The following TAB2 variants were observed in gnomAD, a reference collection of about 807,000 sequenced individuals.
TAB2 encodes TGF-beta-activated kinase 1 and MAP3K7-binding protein 2.
A neutral mutation model predicts 65.0 loss-of-function variants in TAB2; 3 were observed. That is an observed-to-expected ratio of 0.05 (90% CI 0.02 to 0.12). The LOEUF (loss-of-function observed/expected upper bound fraction) is 0.12, where lower values mean the gene tolerates loss of function less well. Among genes scored for constraint, TAB2 ranks in the 10% least tolerant of loss-of-function variants. The pLI is 1.00. For missense variants in TAB2, 623 were observed against 840.3 expected (o/e 0.74, Z 3.20); for synonymous variants, 298 against 285.1 (o/e 1.05, Z -0.46).
chr6:149,303,278 T>A (rs1047674376), intron 1 of TAB2, among the ~76,000 whole-genome samples: 1 of 152,252 alleles, frequency 6.6e-6, no homozygotes, highest in East Asian at 1.9e-4. Context: ...TGCTTTTGAA[T>A]CATCCCAAAA....
chr6:149,222,434 A>G (rs980408166), intron 1 of TAB2, among the ~76,000 whole-genome samples: 4 of 152,056 alleles, frequency 2.6e-5, no homozygotes, highest in African/African-American at 4.8e-5. Context: ...CCTGGCCAAC[A>G]TGGTGAAACC....
intron 1 of TAB2, among the ~76,000 whole-genome samples, chr6:149,221,554 T>C (rs142762044): frequency 6.6e-6 from 1 of 152,232 alleles, no homozygotes. Flanking sequence ...AGAGAGCCAC[T>C]GCTACAGCCA....
intron 3 of TAB2, chr6:149,379,801 T>C (rs2114890547): frequency 2.9e-5 from 12 of 411,658 alleles, no homozygotes; most frequent in South Asian, 2.3e-4. Flanking sequence ...TTCTTTTCAG[T>C]TAATCTTATA....
chr6:149,254,596 G>T (rs1643175737), intron 1 of TAB2, among the ~76,000 whole-genome samples: 1 of 152,164 alleles, frequency 6.6e-6, no homozygotes, highest in African/African-American at 2.4e-5. Context: ...AGCTTCACAT[G>T]GCTTTCTGCC....
At chr6:149,260,717 G>A (rs924854918) in intron 1 of TAB2, among the ~76,000 whole-genome samples, 3 of 152,178 alleles carry the variant, frequency 2.0e-5, no homozygotes, top group Admixed American at 6.5e-5. Context: ...ACTGAGAAGC[G>A]CTGAGAAGGG....
In TAB2 at chr6:149,410,588, G is replaced by GTA. The variant is rs1224377557; in HGVS notation, c.*870_*871dup. On this transcript the variant is annotated 3_prime_UTR_variant, in exon 7 of 7. Coordinates refer to ENST00000637181, the MANE Select transcript of TAB2 (RefSeq NM_001292034.3). Reference sequence around the variant, plus strand: ...AGAATAACTTTCCTCTACTTATTCTGTACTTTGCCCTCATGAGTTCCAATG... The same window carrying GTA: ...AGAATAACTTTCCTCTACTTATTCTGTATACTTTGCCCTCATGAGTTCCAATG... 2.6e-5 allele frequency: 4 copies of GTA among 152,600 alleles called. No homozygotes were observed. Among genetic ancestry groups the GTA allele is most frequent in the Admixed American group, 2.0e-4 (3 of 15,272 alleles). The allele number at this position is 152,600 out of a possible 1,614,324, so 9.5% of individuals were successfully genotyped here.
At chr6:149,305,008 G>T (rs1248495323) in intron 1 of TAB2, among the ~76,000 whole-genome samples, 4 of 152,008 alleles carry the variant, frequency 2.6e-5, no homozygotes, top group Non-Finnish European at 5.9e-5. Context: ...CAACGTAAAT[G>T]CTACCTACTG....
At chr6:149,330,961 G>C (rs148101755) in intron 1 of TAB2, among the ~76,000 whole-genome samples, 278 of 152,226 alleles carry the variant, frequency 1.8e-3, no homozygotes, top group Middle Eastern at 0.01. Flanking sequence ...TGGATTCTCT[G>C]TTCTGTTCCA....
intron 1 of TAB2, among the ~76,000 whole-genome samples, chr6:149,343,942 AT>A (rs1276169381): frequency 1.3e-5 from 2 of 152,224 alleles, no homozygotes; most frequent in African/African-American, 4.8e-5. Context: ...CTGAAGAGGA[AT>A]TTTGTATCCC....
rs529589311 is a variant in TAB2 at position 149,276,356 on chromosome 6, T to C, written c.-121+57580T>C. Among the ~76,000 whole-genome samples, 7 of 152,318 alleles carry C rather than the reference T, an allele frequency of 4.6e-5. No homozygotes were observed. In the South Asian group the frequency reaches 8.3e-4, roughly 18 times the overall value. On this transcript the variant is annotated intron_variant, in intron 1 of 1. Transcript: ENST00000606202. ...CCTCTATATATTGGTTTGTATTCTA[T>C]TGGAAGCCCAAAATGTTATCCAGGA...
chr6:149,251,175 G>A (rs987774954), intron 1 of TAB2, among the ~76,000 whole-genome samples: 2 of 152,188 alleles, frequency 1.3e-5, no homozygotes, highest in African/African-American at 2.4e-5. Flanking sequence ...AGAGATGACT[G>A]TAAACGTGGA....
intron 1 of TAB2, among the ~76,000 whole-genome samples, chr6:149,257,949 G>A (rs1312060208): frequency 6.6e-6 from 1 of 152,174 alleles, no homozygotes; most frequent in East Asian, 1.9e-4. Context: ...CAAACAGTGG[G>A]GAGTGACGAA....
At position 149,317,836 on chromosome 6, in the gene TAB2, G is replaced by GGGGCTGAGCGGGGAGGGAGGGA. The variant is rs1779301318; in HGVS notation, c.-260_-239dup. The GGGGCTGAGCGGGGAGGGAGGGA allele has an allele frequency of 6.2e-6, 1 of 161,090 alleles. No homozygotes were observed. Among genetic ancestry groups the GGGGCTGAGCGGGGAGGGAGGGA allele is most frequent in the African/African-American group, 2.4e-5 (1 of 41,218 alleles). The allele number at this position is 161,090 out of a possible 1,614,324, so 10.0% of individuals were successfully genotyped here. On this transcript the variant is annotated 5_prime_UTR_variant, in exon 1 of 7. Coordinates refer to ENST00000637181, the MANE Select transcript of TAB2 (RefSeq NM_001292034.3). This position sits in a 1 kb window ranked among gnomAD's most constrained non-coding sequence, Gnocchi z 4.7. ...AGTTGGCGGCGGCGGGCGAGCGGAGGGGGCTGAGCGGGGAGGGAGGGAGGG... is the reference window on the plus strand; with the variant it reads ...AGTTGGCGGCGGCGGGCGAGCGGAGGGGGCTGAGCGGGGAGGGAGGGAGGGCTGAGCGGGGAGGGAGGGAGGG...
chr6:149,353,876 ATATTTGTG>A (rs1780568204), intron 1 of TAB2, among the ~76,000 whole-genome samples: 1 of 152,208 alleles, frequency 6.6e-6, no homozygotes, highest in African/African-American at 2.4e-5. Context: ...TTAAATATAT[ATATTTGTG>A]TATTTGTGTG....
chr6:149,294,372 A>G (rs896256954), intron 1 of TAB2, among the ~76,000 whole-genome samples: 3 of 152,268 alleles, frequency 2.0e-5, no homozygotes, highest in African/African-American at 4.8e-5. Context: ...CAGGACACCA[A>G]TTATATTGGG....
In TAB2 at chr6:149,296,149, C is replaced by A. The variant is rs1351327000; in HGVS notation, c.-121+77373C>A. 3.9e-5 allele frequency among the ~76,000 whole-genome samples: 6 copies of A among 152,334 alleles called. 1 individual carries two copies. In the South Asian group the frequency reaches 6.2e-4, roughly 16 times the overall value. ...TAATTTGAGGCTTATAGTGAAGGAA[C>A]TTTGCTCAAGAAAGGATCTGTGCTT... On this transcript the variant is annotated intron_variant, in intron 1 of 1. Coordinates refer to the TAB2 transcript ENST00000606202.
chr6:149,409,304 T>C (rs1393430307), intron 6 of TAB2, among the ~76,000 whole-genome samples: 1 of 152,228 alleles, frequency 6.6e-6, no homozygotes, highest in Non-Finnish European at 1.5e-5. Flanking sequence ...AGATACCCTT[T>C]ATTCTACTAT....
chr6:149,381,591 T>G lies in TAB2; in HGVS notation c.1603+2073T>G, dbSNP rs9404030. 2.5e-3 allele frequency among the ~76,000 whole-genome samples: 313 copies of G among 127,140 alleles called. 1 individual carries two copies. Among genetic ancestry groups the G allele is most frequent in the South Asian group, 0.016 (64 of 4,034 alleles). 83.4% of individuals were successfully genotyped at this position (127,140 alleles called of 152,430 possible). A position where few individuals can be genotyped will look rare whatever the true frequency, so the allele number is the denominator to read the frequency against. ...ATTCTTTTTTTTTTTTTTTTTTTTT[T>G]GGGACAGGGTCTCGCTCTTTCGTCC... On this transcript the variant is annotated intron_variant, in intron 3 of 6. Transcript: ENST00000637181.
At chr6:149,253,634 A>AG (rs569595181) in intron 1 of TAB2, among the ~76,000 whole-genome samples, 9,841 of 146,028 alleles carry the variant, frequency 0.067, 600 homozygotes, top group African/African-American at 0.14. Flanking sequence ...AAAAAAAAAA[A>AG]AAAAGAAAGC....
Sources: gnomAD v4.1 joint callset for allele counts (sites outside exome capture counted in the v4.1 genomes callset) on GRCh38, gnomAD v4.1.1 for gene constraint, Gnocchi (gnomAD v3.1) non-coding constraint, MANE v1.5 for transcripts, NCBI Gene and HGNC (gene_info 2026-07-23, HGNC 2026-07-21) for gene names.